DGKZ: variants seen among roughly 807,000 people sequenced by gnomAD.
The protein encoded by DGKZ is diacylglycerol kinase zeta.
In DGKZ, 45 loss-of-function variants were observed where a neutral mutation model predicts 142.5. That is an observed-to-expected ratio of 0.32 (90% CI 0.25 to 0.40). DGKZ has a LOEUF of 0.40. Among genes scored for constraint, DGKZ ranks in the 10% least tolerant of loss-of-function variants. The pLI, the probability that DGKZ is intolerant of heterozygous loss-of-function variation, is 1.00. For synonymous variants in DGKZ, 442 were observed against 527.0 expected (o/e 0.84, Z 2.21); for missense variants, 755 against 1,306.5 (o/e 0.58, Z 6.51).
At chr11:46,357,453 C>T (rs896298408) in intron 1 of DGKZ, among the ~76,000 whole-genome samples, 6 of 152,248 alleles carry the variant, frequency 3.9e-5, no homozygotes, top group Non-Finnish European at 5.9e-5. Context: ...TTGCCATCCC[C>T]TTGTACCCAA....
intron 1 of DGKZ, among the ~76,000 whole-genome samples, chr11:46,353,017 G>C (rs79376309): frequency 6.6e-6 from 1 of 152,230 alleles, no homozygotes; most frequent in Non-Finnish European, 1.5e-5. Flanking sequence ...AAGCAGGTTC[G>C]AGTGAGACCA....
chr11:46,337,964 A>T (rs1007303295), intron 1 of DGKZ, among the ~76,000 whole-genome samples: 12 of 152,142 alleles, frequency 7.9e-5, no homozygotes, highest in Non-Finnish European at 5.9e-5. Context: ...AAATATGGGA[A>T]ACAGTCCCTT....
intron 1 of DGKZ, among the ~76,000 whole-genome samples, chr11:46,352,127 C>T (rs1453290491): frequency 6.6e-6 from 1 of 152,170 alleles, no homozygotes; most frequent in Admixed American, 6.5e-5. Flanking sequence ...TCGCCAGTGG[C>T]CCCCCCGGGG....
At chr11:46,344,351 T>C (rs973777342), upstream of DGKZ, among the ~76,000 whole-genome samples, 2 of 152,150 alleles carry the variant, frequency 1.3e-5, no homozygotes, top group African/African-American at 4.8e-5. Context: ...TCCGATACGG[T>C]GCCTGATGCA....
At chr11:46,363,769 G>A (rs543322150) in intron 1 of DGKZ, among the ~76,000 whole-genome samples, 1 of 152,356 alleles carries the variant, frequency 6.6e-6, no homozygotes, top group African/African-American at 2.4e-5. Flanking sequence ...AGGGCGGCCT[G>A]ACCAGGCAGG....
chr11:46,373,053 C>G, exon 14 of DGKZ: 3 of 1,543,736 alleles, frequency 1.9e-6, no homozygotes, highest in Non-Finnish European at 2.6e-6. Flanking sequence ...ACGCTGAGCC[C>G]AACCCCGAGG....
upstream of DGKZ, among the ~76,000 whole-genome samples, chr11:46,343,946 A>G (rs1248153319): frequency 6.7e-6 from 1 of 150,336 alleles, no homozygotes; most frequent in African/African-American, 2.4e-5. Context: ...ATTTTTCTTT[A>G]TAGCACATCT....
At chr11:46,338,116 T>C (rs1216587857) in intron 1 of DGKZ, among the ~76,000 whole-genome samples, 1 of 152,192 alleles carries the variant, frequency 6.6e-6, no homozygotes, top group Non-Finnish European at 1.5e-5. Flanking sequence ...TGCTAAAACT[T>C]TATTCATAGA....
At chr11:46,376,230 C>T (rs1944515599) in intron 22 of DGKZ, 85 bp downstream of exon 22, 1 of 1,604,138 alleles carries the variant, frequency 6.2e-7, no homozygotes, top group Non-Finnish European at 8.5e-7. Context: ...GCCAGCTCGC[C>T]CTGCGGAGCC....
At chr11:46,366,973 C>T (rs959302338) in intron 1 of DGKZ, 10 of 1,529,420 alleles carry the variant, frequency 6.5e-6, no homozygotes, top group East Asian at 4.9e-5. Flanking sequence ...AGGCCTGGAG[C>T]GCCCTGCTCG....
chr11:46,378,048 G>A, intron 25 of DGKZ, 150 bp from the exon 26 acceptor site: 1 of 964,150 alleles, frequency 1.0e-6, no homozygotes. Context: ...TCGTTTCCCT[G>A]CTGTATCCCC....
chr11:46,376,293 C>G (rs1033032350), intron 22 of DGKZ, 35 bp from the exon 23 acceptor site: 1 of 1,613,358 alleles, frequency 6.2e-7, no homozygotes, highest in Non-Finnish European at 8.5e-7. Context: ...CTGGCCCCCA[C>G]TCTATCCCAG....
intron 30 of DGKZ, 127 bp from the exon 31 acceptor site, chr11:46,379,704 G>C: frequency 7.9e-7 from 1 of 1,262,906 alleles, no homozygotes; most frequent in Non-Finnish European, 1.1e-6. Flanking sequence ...CAGCAGGGGA[G>C]GAGCTGGTGG....
intron 22 of DGKZ, 67 bp downstream of exon 22, chr11:46,376,212 C>T (rs1254515504): frequency 4.4e-6 from 7 of 1,605,940 alleles, no homozygotes; most frequent in East Asian, 2.2e-5. Flanking sequence ...AGGCCTCTTC[C>T]TCCCGCAGCC....
At chr11:46,349,147 G>GAT (rs1484559989) in intron 1 of DGKZ, among the ~76,000 whole-genome samples, 2 of 152,258 alleles carry the variant, frequency 1.3e-5, no homozygotes, top group African/African-American at 4.8e-5. Flanking sequence ...CACATGCACA[G>GAT]ATCTGAATTC....
intron 1 of DGKZ, chr11:46,366,880 C>T (rs1437749828): frequency 4.5e-6 from 7 of 1,548,768 alleles, no homozygotes; most frequent in South Asian, 2.3e-5. Context: ...CAGGCACCAC[C>T]GCCGGCACCA....
intron 20 of DGKZ, 85 bp downstream of exon 20, chr11:46,375,716 G>A: frequency 6.6e-7 from 1 of 1,507,138 alleles, no homozygotes; most frequent in Non-Finnish European, 8.9e-7. Flanking sequence ...TGTAAAAGGG[G>A]CTGACTGTCC....
Position 46,372,123 on chromosome 11 carries a change from A to T in DGKZ, c.880A>T (p.Met294Leu). The stretch of plus-strand genomic sequence containing the variant: ...CATCAGGCCCACCCCCTCCCCGCTC[A>T]TGAAGCCCCTGCTGGTGTTTGTGAA... The change falls in exon 10 of 31, where the codon ATG (methionine) becomes TTG (leucine). Residue 294 changes from methionine (M) to leucine (L), a missense_variant. By Grantham distance (15) the Met-to-Leu change is conservative. This residue lies in a region of DGKZ where 142 missense variants were observed against 244.4 expected (regional missense o/e 0.58). Coordinates refer to ENST00000527911, the Ensembl canonical transcript of DGKZ. This position sits in a 1 kb window ranked among gnomAD's most constrained non-coding sequence, Gnocchi z 5.9. 2 of 1,612,144 alleles carry T rather than the reference A, an allele frequency of 1.2e-6. No homozygotes were observed. The highest frequency in any genetic ancestry group is 1.7e-6 in the Non-Finnish European group (2 of 1,179,430).
Position 46,372,786 on chromosome 11 carries a change from T to C in DGKZ, c.1087T>C (p.Ser363Pro). Residue 363 changes from serine to proline, a missense_variant, in exon 13 of 31, where the codon TCC becomes CCC. This residue lies in a region of DGKZ where 191 missense variants were observed against 472.1 expected (regional missense o/e 0.40). Transcript: ENST00000527911. This position sits in a 1 kb window ranked among gnomAD's most constrained non-coding sequence, Gnocchi z 5.9. ...CCTCCCCCAGGTGGGCTGGATCCTC[T>C]CCACCCTGGACCAGCTACGCCTGAA... The C allele has an allele frequency of 6.2e-7, 1 of 1,605,754 alleles. No homozygotes were observed. The highest frequency in any genetic ancestry group is 8.5e-7 in the Non-Finnish European group (1 of 1,176,462).
Sources: gnomAD v4.1 joint callset for allele counts (sites outside exome capture counted in the v4.1 genomes callset) on GRCh38, gnomAD v4.1.1 for gene constraint, gnomAD v4.1.1 regional missense constraint, Gnocchi (gnomAD v3.1) non-coding constraint, MANE v1.5 for transcripts, NCBI Gene and HGNC (gene_info 2026-07-23, HGNC 2026-07-21) for gene names.